Variants in GAL3ST2 observed in about 807,000 individuals in gnomAD.
The protein encoded by GAL3ST2 is beta-galactose-3-O-sulfotransferase 2.
In GAL3ST2, 16 loss-of-function variants were observed where a neutral mutation model predicts 12.9. The ratio of observed to expected loss-of-function variants is 1.24; its 90% CI spans 0.84 to 1.88. GAL3ST2 has a LOEUF of 1.88. Among genes scored for constraint, GAL3ST2 ranks in the 40% most tolerant of loss-of-function variants. The pLI is 0.00. For missense variants in GAL3ST2, 639 were observed against 571.8 expected (o/e 1.12, Z -1.20); for synonymous variants, 302 against 273.9 (o/e 1.10, Z -1.01).
chr2:241,798,632 G>T (rs1298919051), intron 1 of GAL3ST2, among the ~76,000 whole-genome samples: 2 of 152,128 alleles, frequency 1.3e-5, no homozygotes, highest in African/African-American at 2.4e-5. Context: ...TGTGGATTTT[G>T]GGGGCGCACA....
intron 1 of GAL3ST2, among the ~76,000 whole-genome samples, chr2:241,792,744 C>T (rs562570428): frequency 8.5e-5 from 13 of 152,062 alleles, no homozygotes; most frequent in South Asian, 8.3e-4. Context: ...AAAGAGAAAA[C>T]GGGGGGAAAT....
At chr2:241,797,196 C>T (rs1699782743) in intron 1 of GAL3ST2, among the ~76,000 whole-genome samples, 1 of 152,216 alleles carries the variant, frequency 6.6e-6, no homozygotes, top group Admixed American at 6.5e-5. Flanking sequence ...TCTTTCTTTT[C>T]TTCATACCCT....
chr2:241,794,742 T>G (rs1346770688), intron 1 of GAL3ST2, among the ~76,000 whole-genome samples: 1 of 152,168 alleles, frequency 6.6e-6, no homozygotes, highest in East Asian at 1.9e-4. Context: ...GTGAGTCCCA[T>G]AAGGCAGCTT....
chr2:241,787,175 T>C (rs1413339235), intron 1 of GAL3ST2, among the ~76,000 whole-genome samples: 3 of 152,220 alleles, frequency 2.0e-5, no homozygotes, highest in Non-Finnish European at 1.5e-5. Flanking sequence ...CATATGTTGA[T>C]TGATGTCTCA....
intron 2 of GAL3ST2, among the ~76,000 whole-genome samples, chr2:241,799,631 C>T (rs1559417778): frequency 6.6e-6 from 1 of 152,240 alleles, no homozygotes; most frequent in Non-Finnish European, 1.5e-5. Flanking sequence ...CACCTCGCAG[C>T]CCAGCTGTGC....
chr2:241,798,963 C>T, intron 1 of GAL3ST2, 102 bp from the exon 2 acceptor site: 1 of 910,892 alleles, frequency 1.1e-6, no homozygotes, highest in Non-Finnish European at 1.8e-6. Flanking sequence ...AGGGGAGGCC[C>T]AGACCTGTGT....
intron 1 of GAL3ST2, among the ~76,000 whole-genome samples, chr2:241,779,319 C>T (rs540592631): frequency 1.0e-4 from 15 of 148,928 alleles, no homozygotes; most frequent in East Asian, 6.1e-4. Flanking sequence ...CTGCAAGCTC[C>T]GCCTCCCGGG....
Position 241,801,421 on chromosome 2 carries a change from C to T in GAL3ST2, c.120-360C>T, listed in dbSNP as rs115698820. On this transcript the variant is annotated intron_variant, in intron 2 of 3. Transcript: ENST00000192314. The surrounding 1 kb of genome is among the most constrained non-coding windows in gnomAD (Gnocchi z 4.4). Reference sequence around the variant, plus strand: ...GCAAAGGGGAGGGGGTGTGACGAGGCGTCTACCTCCCATCCCATCACTGCT... The same window carrying T: ...GCAAAGGGGAGGGGGTGTGACGAGGTGTCTACCTCCCATCCCATCACTGCT... 3.7e-3 allele frequency: 1,265 copies of T among 342,376 alleles called. 18 individuals carry two copies. Among genetic ancestry groups the T allele is most frequent in the African/African-American group, 0.025 (1,157 of 47,206 alleles). 21.2% of individuals were successfully genotyped at this position (342,376 alleles called of 1,614,324 possible). A position where few individuals can be genotyped will look rare whatever the true frequency, so the allele number is the denominator to read the frequency against.
chr2:241,802,500 G>T lies in GAL3ST2; in HGVS notation c.375+464G>T, dbSNP rs1416630523. ...CTGTGGGCAGGCACAGGTGTTTTAG[G>T]GTCACCCTGAGCGCTCTGTGGAGAA... On this transcript the variant is annotated intron_variant, in intron 3 of 3. Coordinates refer to ENST00000192314, the MANE Select transcript of GAL3ST2 (RefSeq NM_022134.3). The surrounding 1 kb of genome is among the most constrained non-coding windows in gnomAD (Gnocchi z 4.8). Among the ~76,000 whole-genome samples the T allele has an allele frequency of 1.3e-5, 2 of 151,980 alleles. No individual in the cohort carries two copies. The highest frequency in any genetic ancestry group is 2.4e-5 in the African/African-American group (1 of 41,384).
intron 1 of GAL3ST2, among the ~76,000 whole-genome samples, chr2:241,788,594 A>AG (rs1161359364): frequency 6.6e-6 from 1 of 152,034 alleles, no homozygotes; most frequent in Non-Finnish European, 1.5e-5. Flanking sequence ...CAAAGAGAAA[A>AG]GGTATCTGCT....
chr2:241,804,004 C>A lies in GAL3ST2; in HGVS notation c.1035C>A (p.Gly345=). The change falls in exon 4 of 4, where the codon GGC becomes GGA. Residue 345 remains glycine, a synonymous_variant. Coordinates refer to ENST00000192314, the MANE Select transcript of GAL3ST2 (RefSeq NM_022134.3). The part of the protein sequence containing the change: ...RDPRLRPYQS[G]KADILGYNLR... ...CGCGCCTGCGCCCCTACCAGTCCGG[C>A]AAGGCCGACATCCTGGGTTACAACC... 1.3e-6 allele frequency: 2 copies of A among 1,565,758 alleles called. No homozygotes were observed. The highest frequency in any genetic ancestry group is 1.2e-5 in the South Asian group (1 of 84,004).
At position 241,802,160 on chromosome 2, in the gene GAL3ST2, C is replaced by T. The variant is rs1227443300; in HGVS notation, c.375+124C>T. The stretch of plus-strand genomic sequence containing the variant: ...GCTTGGGGGCGGGGCGTGCAGAAGG[C>T]GGGTTGGGAGGGCCTGGGCCGCACG... On this transcript the variant is annotated intron_variant, in intron 3 of 3. Transcript: ENST00000192314. This position sits in a 1 kb window ranked among gnomAD's most constrained non-coding sequence, Gnocchi z 4.8. The T allele has an allele frequency of 1.7e-6, 1 of 577,966 alleles. No homozygotes were observed. The allele number at this position is 577,966 out of a possible 1,614,324, so 35.8% of individuals were successfully genotyped here.
At chr2:241,792,640 G>C (rs1240002805) in intron 1 of GAL3ST2, among the ~76,000 whole-genome samples, 1 of 152,020 alleles carries the variant, frequency 6.6e-6, no homozygotes, top group Non-Finnish European at 1.5e-5. Flanking sequence ...TGCCCATCTA[G>C]GAATAAACCA....
In GAL3ST2 at chr2:241,777,095, T is replaced by C. The variant is rs1004726663; in HGVS notation, c.29+111T>C. 5 of 980,630 alleles carry C rather than the reference T, an allele frequency of 5.1e-6. No individual in the cohort carries two copies. The East Asian group carries it at 1.6e-4, about 31-fold the overall frequency. 60.7% of individuals were successfully genotyped at this position (980,630 alleles called of 1,614,324 possible). A position where few individuals can be genotyped will look rare whatever the true frequency, so the allele number is the denominator to read the frequency against. ...GTCTTTCGAAGGAAGTGACTTGGATTTGGAGGCTGTTCCTACTCAGGCTTC... is the reference window on the plus strand; with the variant it reads ...GTCTTTCGAAGGAAGTGACTTGGATCTGGAGGCTGTTCCTACTCAGGCTTC... On this transcript the variant is annotated intron_variant, in intron 1 of 3. Coordinates refer to ENST00000192314, the MANE Select transcript of GAL3ST2 (RefSeq NM_022134.3).
chr2:241,791,595 C>T (rs1335703451), intron 1 of GAL3ST2, among the ~76,000 whole-genome samples: 1 of 152,206 alleles, frequency 6.6e-6, no homozygotes, highest in African/African-American at 2.4e-5. Flanking sequence ...TGACTCAACT[C>T]ATAGGTATTT....
chr2:241,787,793 C>T (rs184253669), intron 1 of GAL3ST2, among the ~76,000 whole-genome samples: 2 of 152,056 alleles, frequency 1.3e-5, no homozygotes, highest in African/African-American at 4.8e-5. Context: ...TTCTCCTTTC[C>T]GTCAGAGTGC....
intron 1 of GAL3ST2, among the ~76,000 whole-genome samples, chr2:241,798,074 TC>T (rs1002031120): frequency 6.6e-6 from 1 of 152,134 alleles, no homozygotes; most frequent in African/African-American, 2.4e-5. Flanking sequence ...CCTTGGCTGC[TC>T]TGTACTGATG....
At position 241,802,227 on chromosome 2, in the gene GAL3ST2, C is replaced by T. The variant is rs888518496; in HGVS notation, c.375+191C>T. ...CCTGCCCCTCCAGGCGGCCAGTCGCCTGCCGTTGCTCTTGGAATGAGACCT... is the reference window on the plus strand; with the variant it reads ...CCTGCCCCTCCAGGCGGCCAGTCGCTTGCCGTTGCTCTTGGAATGAGACCT... On this transcript the variant is annotated intron_variant, in intron 3 of 3. Transcript: ENST00000192314. This position sits in a 1 kb window ranked among gnomAD's most constrained non-coding sequence, Gnocchi z 4.8. 2.6e-5 allele frequency among the ~76,000 whole-genome samples: 4 copies of T among 152,300 alleles called. No individual in the cohort carries two copies. Among genetic ancestry groups the T allele is most frequent in the African/African-American group, 9.6e-5 (4 of 41,570 alleles).
intron 1 of GAL3ST2, among the ~76,000 whole-genome samples, chr2:241,786,681 T>G (rs750195875): frequency 6.6e-6 from 1 of 152,096 alleles, no homozygotes; most frequent in African/African-American, 2.4e-5. Flanking sequence ...GATCAGGGAT[T>G]TTTTGGAGGG....
Sources: gnomAD v4.1 joint callset for allele counts (sites outside exome capture counted in the v4.1 genomes callset) on GRCh38, gnomAD v4.1.1 for gene constraint, Gnocchi (gnomAD v3.1) non-coding constraint, MANE v1.5 for transcripts, NCBI Gene and HGNC (gene_info 2026-07-23, HGNC 2026-07-21) for gene names.